DLGAP1: variants seen among roughly 807,000 people sequenced by gnomAD.
DLGAP1 encodes the protein disks large-associated protein 1.
A neutral mutation model predicts 90.8 loss-of-function variants in DLGAP1; 11 were observed. The ratio of observed to expected loss-of-function variants is 0.12; its 90% CI spans 0.08 to 0.20. DLGAP1 has a LOEUF of 0.20. Among genes scored for constraint, DLGAP1 ranks in the 10% least tolerant of loss-of-function variants. The pLI, the probability that DLGAP1 is intolerant of heterozygous loss-of-function variation, is 1.00. For synonymous variants in DLGAP1, 558 were observed against 540.7 expected (o/e 1.03, Z -0.44); for missense variants, 1,050 against 1,333.8 (o/e 0.79, Z 3.31).
In DLGAP1 at chr18:4,047,587, G is replaced by A. The variant is rs377379309; in HGVS notation, c.-158-42386C>T. ...TAGAAACCAAATCCCATGTGACTTA[G>A]GTGTTGTAGCCAGGGGTGAATGCCT... On this transcript the variant is annotated intron_variant, in intron 2 of 12. Transcript: ENST00000315677. Among the ~76,000 whole-genome samples, 12 of 152,282 alleles carry A rather than the reference G, an allele frequency of 7.9e-5. No individual in the cohort carries two copies. The East Asian group carries it at 1.9e-3, about 24-fold the overall frequency.
At chr18:3,877,563 A>G (rs1173481764) in intron 4 of DLGAP1, among the ~76,000 whole-genome samples, 2 of 152,168 alleles carry the variant, frequency 1.3e-5, no homozygotes, top group South Asian at 2.1e-4. Context: ...TACTTTTTGT[A>G]AGACAGATAT....
intron 1 of DLGAP1, among the ~76,000 whole-genome samples, chr18:4,401,078 G>T (rs981500632): frequency 6.6e-6 from 1 of 152,182 alleles, no homozygotes; most frequent in Non-Finnish European, 1.5e-5. Flanking sequence ...GGTAAGTCAT[G>T]CAGGAAACAG....
At chr18:4,416,864 T>G (rs1197206350) in intron 1 of DLGAP1, among the ~76,000 whole-genome samples, 1 of 152,224 alleles carries the variant, frequency 6.6e-6, no homozygotes, top group Non-Finnish European at 1.5e-5. Flanking sequence ...CTAGGTTCAC[T>G]TTCACTCTTT....
At chr18:4,003,229 G>A (rs1369885591) in intron 3 of DLGAP1, among the ~76,000 whole-genome samples, 1 of 152,210 alleles carries the variant, frequency 6.6e-6, no homozygotes, top group Non-Finnish European at 1.5e-5. Context: ...CCTCCGGGTT[G>A]TAGTTGGATC....
At chr18:4,444,251 T>C (rs1398832058) in intron 1 of DLGAP1, among the ~76,000 whole-genome samples, 1 of 152,166 alleles carries the variant, frequency 6.6e-6, no homozygotes, top group Non-Finnish European at 1.5e-5. Context: ...CCATCTCACC[T>C]TAAGAAATAT....
intron 1 of DLGAP1, among the ~76,000 whole-genome samples, chr18:4,162,827 C>T (rs772745561): frequency 6.6e-6 from 1 of 152,036 alleles, no homozygotes; most frequent in Non-Finnish European, 1.5e-5. Context: ...GAAAGCTGTG[C>T]AATTTAAAGT....
chr18:4,239,444 T>C (rs1419108753), intron 1 of DLGAP1, among the ~76,000 whole-genome samples: 1 of 152,228 alleles, frequency 6.6e-6, no homozygotes, highest in Admixed American at 6.5e-5. Context: ...CAATTTTACC[T>C]GCTGAGAATG....
chr18:3,742,176 C>A (rs1322381014), intron 6 of DLGAP1, among the ~76,000 whole-genome samples, 159 bp downstream of exon 6: 1 of 152,172 alleles, frequency 6.6e-6, no homozygotes, highest in Non-Finnish European at 1.5e-5. Flanking sequence ...TGCGGCTGAA[C>A]CCATGGCATG....
intron 2 of DLGAP1, among the ~76,000 whole-genome samples, chr18:4,086,836 A>G (rs1296422977): frequency 6.6e-6 from 1 of 151,638 alleles, no homozygotes; most frequent in Non-Finnish European, 1.5e-5. Flanking sequence ...TCTTTCTACT[A>G]GTTCTATTAC....
At chr18:3,567,454 A>G (rs2054500988) in intron 9 of DLGAP1, 36 bp downstream of exon 9, 2 of 1,554,730 alleles carry the variant, frequency 1.3e-6, no homozygotes, top group Non-Finnish European at 1.8e-6. Context: ...ACTTCAAAAC[A>G]TCAAGACAAA....
chr18:4,070,395 A>G (rs1022917393), intron 2 of DLGAP1, among the ~76,000 whole-genome samples: 3 of 152,190 alleles, frequency 2.0e-5, no homozygotes, highest in African/African-American at 7.2e-5. Context: ...TTCAGAGTCC[A>G]GAGTGCTCAC....
chr18:3,721,882 TATC>T (rs2061996375), intron 7 of DLGAP1: 1 of 152,270 alleles, frequency 6.6e-6, no homozygotes, highest in Middle Eastern at 3.4e-3. Context: ...TAAATGATAA[TATC>T]ATGTGCAAGT....
intron 1 of DLGAP1, among the ~76,000 whole-genome samples, chr18:4,166,597 A>G (rs1330971499): frequency 2.0e-5 from 3 of 152,238 alleles, no homozygotes; most frequent in Non-Finnish European, 4.4e-5. Flanking sequence ...AGATATTTGT[A>G]TACTACTGTT....
intron 3 of DLGAP1, among the ~76,000 whole-genome samples, chr18:3,940,365 C>T (rs1170894053): frequency 2.0e-5 from 3 of 152,178 alleles, no homozygotes; most frequent in Admixed American, 1.3e-4. Flanking sequence ...TCACAGAATC[C>T]CTGTGGGGTA....
At chr18:4,205,401 G>C (rs537976103) in intron 1 of DLGAP1, among the ~76,000 whole-genome samples, 1 of 152,322 alleles carries the variant, frequency 6.6e-6, no homozygotes, top group African/African-American at 2.4e-5. Flanking sequence ...GAAGGATCTT[G>C]CAGGTTATGC....
intron 2 of DLGAP1, among the ~76,000 whole-genome samples, chr18:4,104,649 T>C (rs762818464): frequency 6.6e-6 from 1 of 152,208 alleles, no homozygotes; most frequent in Non-Finnish European, 1.5e-5. Flanking sequence ...CTGATCACGT[T>C]CTTCTTGAGA....
rs577958350 is a variant in DLGAP1 at position 3,876,237 on chromosome 18, G to C, written c.957+2875C>G. 5.9e-5 allele frequency among the ~76,000 whole-genome samples: 9 copies of C among 152,104 alleles called. No homozygotes were observed. The South Asian group carries it at 1.9e-3, about 32-fold the overall frequency. On this transcript the variant is annotated intron_variant, in intron 4 of 12. Coordinates refer to ENST00000315677, the MANE Select transcript of DLGAP1 (RefSeq NM_004746.4). ...GGAGCCAGAAGCCCAGTTCTCAGGA[G>C]GTATTTTCTATTCTCCTCTGACCCC...
At chr18:4,346,142 C>T (rs889817141) in intron 1 of DLGAP1, among the ~76,000 whole-genome samples, 3 of 152,148 alleles carry the variant, frequency 2.0e-5, no homozygotes, top group African/African-American at 7.2e-5. Context: ...CATGTTAAAC[C>T]TTATGAATAG....
At chr18:3,632,304 CTT>C (rs939022218) in intron 7 of DLGAP1, among the ~76,000 whole-genome samples, 6 of 141,862 alleles carry the variant, frequency 4.2e-5, no homozygotes, top group Non-Finnish European at 4.6e-5. Flanking sequence ...TTTTTCTTTT[CTT>C]TTTTTTTTTT....
Sources: gnomAD v4.1 joint callset for allele counts (sites outside exome capture counted in the v4.1 genomes callset) on GRCh38, gnomAD v4.1.1 for gene constraint, MANE v1.5 for transcripts, NCBI Gene and HGNC (gene_info 2026-07-23, HGNC 2026-07-21) for gene names.